CSMD2: variants seen among roughly 807,000 people sequenced by gnomAD.
CSMD2 encodes CUB and sushi domain-containing protein 2.
In CSMD2, 130 loss-of-function variants were observed where a neutral mutation model predicts 398.5. The observed-to-expected ratio is 0.33, with a 90% CI of 0.28 to 0.38. The LOEUF is 0.38. Ranked by LOEUF, CSMD2 falls within the 10% of genes least tolerant of loss-of-function variation. CSMD2 has a pLI of 1.00. For synonymous variants in CSMD2, 1,828 were observed against 1,908.5 expected, an observed-to-expected ratio of 0.96 and a Z score of 1.10; for missense variants, 3,829 against 4,764.9, an observed-to-expected ratio of 0.80 and a Z score of 5.78.
chr1:33,542,067 C>T (rs945997094), intron 58 of CSMD2, among the ~76,000 whole-genome samples: 1 of 152,150 alleles, frequency 6.6e-6, no homozygotes, highest in African/African-American at 2.4e-5. Context: ...GAACTTGACA[C>T]GGGATTTCAG....
intron 3 of CSMD2, among the ~76,000 whole-genome samples, chr1:33,965,438 C>G (rs1645523683): frequency 6.6e-6 from 1 of 152,186 alleles, no homozygotes; most frequent in African/African-American, 2.4e-5. Flanking sequence ...CTCTTGGGTG[C>G]TGGTGACCCT....
intron 25 of CSMD2, among the ~76,000 whole-genome samples, chr1:33,670,403 C>T (rs954048311): frequency 6.6e-6 from 1 of 152,234 alleles, no homozygotes; most frequent in East Asian, 1.9e-4. Flanking sequence ...TTCATCCAAA[C>T]TCACCCACTG....
At chr1:33,917,489 G>A (rs1015709462) in intron 5 of CSMD2, among the ~76,000 whole-genome samples, 1 of 152,146 alleles carries the variant, frequency 6.6e-6, no homozygotes, top group Non-Finnish European at 1.5e-5. Flanking sequence ...AAGCAACGAT[G>A]GCTTCAATAA....
At chr1:33,689,160 C>T (rs2149088770) in intron 25 of CSMD2, among the ~76,000 whole-genome samples, 1 of 151,966 alleles carries the variant, frequency 6.6e-6, no homozygotes, top group South Asian at 2.1e-4. Flanking sequence ...AGTGAGCACA[C>T]ATAAATACAG....
chr1:33,550,985 TAA>T (rs955126062), intron 55 of CSMD2, among the ~76,000 whole-genome samples: 2 of 152,216 alleles, frequency 1.3e-5, no homozygotes, highest in Non-Finnish European at 2.9e-5. Flanking sequence ...AGGTTGATCC[TAA>T]GATTCTCTCA....
chr1:34,160,403 A>C (rs978532932), intron 1 of CSMD2, among the ~76,000 whole-genome samples: 7 of 152,234 alleles, frequency 4.6e-5, no homozygotes, highest in African/African-American at 1.7e-4. Context: ...GTGGTATGCC[A>C]AGGGCTTATT....
intron 5 of CSMD2, among the ~76,000 whole-genome samples, chr1:33,852,270 G>A (rs528347508): frequency 6.6e-6 from 1 of 152,268 alleles, no homozygotes; most frequent in Non-Finnish European, 1.5e-5. Context: ...GCCTCTGATC[G>A]ATCTTCCATA....
intron 6 of CSMD2, among the ~76,000 whole-genome samples, chr1:33,837,930 G>A (rs745682232): frequency 1.3e-5 from 2 of 152,174 alleles, no homozygotes; most frequent in Middle Eastern, 3.2e-3. Flanking sequence ...GGGACACATG[G>A]TACACATTTA....
At chr1:33,847,967 C>T (rs924705226) in intron 5 of CSMD2, among the ~76,000 whole-genome samples, 3 of 152,210 alleles carry the variant, frequency 2.0e-5, no homozygotes, top group Non-Finnish European at 4.4e-5. Flanking sequence ...GCTTCTAACA[C>T]CATACTGGAC....
intron 5 of CSMD2, among the ~76,000 whole-genome samples, chr1:33,856,961 C>T (rs112841906): frequency 4.9e-4 from 74 of 152,056 alleles, no homozygotes; most frequent in African/African-American, 1.8e-3. Context: ...ATCTACAATT[C>T]TTGGCCCTGC....
chr1:33,540,244 C>T (rs576339191), intron 60 of CSMD2, among the ~76,000 whole-genome samples: 6 of 149,684 alleles, frequency 4.0e-5, no homozygotes, highest in Admixed American at 2.7e-4. Flanking sequence ...CTATTCCATA[C>T]AGTTAACAAC....
At position 33,546,163 on chromosome 1, in the gene CSMD2, C is replaced by T. The variant is rs771831085; in HGVS notation, c.8974G>A (p.Gly2992Arg). Residue 2992 changes from glycine (G) to arginine (R), a missense_variant, in exon 57 of 71, where the codon GGG becomes AGG. Gly to Arg is a moderately radical substitution (Grantham distance 125). Transcript: ENST00000373381. ...PGIPAHGIRLGDSFDPGTVMR... is the reference protein window; with the variant it reads ...PGIPAHGIRLRDSFDPGTVMR... ...ACAGTGCCTGGATCAAAGCTGTCCC[C>T]CAAACGGATGCCATGAGCCGGGATC... is the stretch of plus-strand genomic sequence containing the variant. 3 of 1,614,214 alleles carry T rather than the reference C, an allele frequency of 1.9e-6. No homozygotes were observed. The highest frequency in any genetic ancestry group is 2.2e-5 in the South Asian group (2 of 91,086).
Position 33,518,925 on chromosome 1 carries a change from T to C in CSMD2, c.*53+540A>G, listed in dbSNP as rs941589765. On this transcript the variant is annotated intron_variant, in intron 70 of 70. Transcript: ENST00000373381. The surrounding 1 kb of genome is among the most constrained non-coding windows in gnomAD (Gnocchi z 4.3). Reference sequence around the variant, plus strand: ...GGTATGGATATATCTTGATATGGGGTATATGTATTGCGTTTATAGTGTATG... The same window carrying C: ...GGTATGGATATATCTTGATATGGGGCATATGTATTGCGTTTATAGTGTATG... Among the ~76,000 whole-genome samples, 1 of 152,184 alleles carries C rather than the reference T, an allele frequency of 6.6e-6. No individual in the cohort carries two copies. The highest frequency in any genetic ancestry group is 1.5e-5 in the Non-Finnish European group (1 of 68,036).
intron 64 of CSMD2, among the ~76,000 whole-genome samples, chr1:33,531,611 T>C (rs981057683): frequency 1.3e-5 from 2 of 152,184 alleles, no homozygotes; most frequent in African/African-American, 2.4e-5. Context: ...GTGATGTCCA[T>C]ATGATGAGAT....
intron 13 of CSMD2, among the ~76,000 whole-genome samples, chr1:33,768,400 C>T (rs1236153536): frequency 6.6e-6 from 1 of 152,030 alleles, no homozygotes; most frequent in East Asian, 1.9e-4. Context: ...AATACTGCCC[C>T]ACACAAAAAG....
intron 53 of CSMD2, among the ~76,000 whole-genome samples, chr1:33,565,357 T>C (rs1439868682): frequency 6.6e-6 from 1 of 151,552 alleles, no homozygotes; most frequent in Non-Finnish European, 1.5e-5. Context: ...TAAGAAGCAA[T>C]GATGGGAAAA....
At chr1:33,575,138 G>A (rs1359475579) in intron 49 of CSMD2, among the ~76,000 whole-genome samples, 1 of 152,224 alleles carries the variant, frequency 6.6e-6, no homozygotes, top group Non-Finnish European at 1.5e-5. Context: ...GGTAGGAGGA[G>A]GAGGGGATAC....
chr1:33,921,723 C>T (rs569000915), intron 4 of CSMD2, among the ~76,000 whole-genome samples: 8 of 152,292 alleles, frequency 5.3e-5, no homozygotes, highest in Non-Finnish European at 1.0e-4. Context: ...ACAGCACTGC[C>T]GAGGTGTTTG....
chr1:33,697,997 G>GGA (rs1163801511), intron 24 of CSMD2, among the ~76,000 whole-genome samples: 3 of 152,222 alleles, frequency 2.0e-5, no homozygotes, highest in East Asian at 1.9e-4. Context: ...GGAAGGGGGT[G>GGA]GAGAGAGAGA....
Sources: gnomAD v4.1 joint callset for allele counts (sites outside exome capture counted in the v4.1 genomes callset) on GRCh38, gnomAD v4.1.1 for gene constraint, Gnocchi (gnomAD v3.1) non-coding constraint, MANE v1.5 for transcripts, NCBI Gene and HGNC (gene_info 2026-07-23, HGNC 2026-07-21) for gene names.